The following SHISA9 variants were observed in gnomAD, a reference collection of about 807,000 sequenced individuals.
SHISA9 encodes the protein shisa family member 9, also known as protein shisa-9.
In SHISA9, 13 loss-of-function variants were observed where a neutral mutation model predicts 38.0. The observed-to-expected ratio is 0.34, with a 90% confidence interval of 0.22 to 0.54. SHISA9 has a LOEUF of 0.54. SHISA9 is among the 20% of genes least tolerant of loss of function. The pLI is 0.91. For missense variants in SHISA9, 538 were observed against 575.8 expected (o/e 0.93, Z 0.67); for synonymous variants, 275 against 242.0 (o/e 1.14, Z -1.27).
At chr16:13,291,642 G>A in the SHISA9 span, among the ~76,000 whole-genome samples, 17 of 152,270 alleles carry the variant, frequency 1.1e-4, 1 homozygote, top group East Asian at 3.3e-3. Flanking sequence ...TCTAGTTCAT[G>A]TTTTAAGTTG....
intron 2 of SHISA9, among the ~76,000 whole-genome samples, chr16:13,162,577 C>G (rs2050604504): frequency 6.6e-6 from 1 of 152,174 alleles, no homozygotes; most frequent in Non-Finnish European, 1.5e-5. Context: ...ACTCTCCTCT[C>G]TGGTAGAACT....
intron 2 of SHISA9, among the ~76,000 whole-genome samples, chr16:13,099,599 A>G (rs2073859354): frequency 6.6e-6 from 1 of 152,110 alleles, no homozygotes; most frequent in Non-Finnish European, 1.5e-5. Flanking sequence ...AGCAACTGCA[A>G]AGGCCCTGAG....
chr16:13,139,493 T>C (rs768125301), intron 2 of SHISA9, among the ~76,000 whole-genome samples: 3 of 150,702 alleles, frequency 2.0e-5, no homozygotes, highest in Admixed American at 6.6e-5. Flanking sequence ...TGTCTTTCTT[T>C]TCTCCCTTCA....
intron 2 of SHISA9, among the ~76,000 whole-genome samples, chr16:12,959,565 G>A (rs375469535): frequency 7.2e-5 from 11 of 152,108 alleles, no homozygotes; most frequent in African/African-American, 2.6e-4. Flanking sequence ...ACAGAGCTCA[G>A]ACTTGAGACA....
rs377552835 is a variant in SHISA9, at chr16:13,164,076, C to A, written c.692-39318C>A. ...GCTTTTTTCTTGACTTTGGGGGATACGTGTTGGATCTCCCACTATTAAGTA... is the reference window on the plus strand; with the variant it reads ...GCTTTTTTCTTGACTTTGGGGGATAAGTGTTGGATCTCCCACTATTAAGTA... On this transcript the variant is annotated intron_variant, in intron 2 of 4. Transcript: ENST00000558583. Among the ~76,000 whole-genome samples the A allele has an allele frequency of 2.6e-3, 398 of 152,124 alleles. 2 individuals carry two copies. The highest frequency in any genetic ancestry group is 9.1e-3 in the African/African-American group (376 of 41,540).
chr16:13,113,209 CAAAAAAAAAA>C (rs35316820), intron 2 of SHISA9, among the ~76,000 whole-genome samples: 1 of 65,262 alleles, frequency 1.5e-5, no homozygotes, highest in African/African-American at 6.1e-5. Context: ...GACTCCATCT[CAAAAAAAAAA>C]AAAAAAAAAA....
At chr16:13,474,950 C>T in the SHISA9 span, among the ~76,000 whole-genome samples, 17 of 152,278 alleles carry the variant, frequency 1.1e-4, no homozygotes, top group Admixed American at 7.2e-4. Context: ...CAGTCATAAA[C>T]GACTGGGTAA....
At chr16:13,358,999 T>C in the SHISA9 span, among the ~76,000 whole-genome samples, 1 of 152,324 alleles carries the variant, frequency 6.6e-6, no homozygotes, top group Non-Finnish European at 1.5e-5. Context: ...GCATGAAGCC[T>C]AGAACTTTAA....
chr16:12,969,861 A>T (rs1261361618), intron 2 of SHISA9, among the ~76,000 whole-genome samples: 2 of 152,182 alleles, frequency 1.3e-5, no homozygotes, highest in Admixed American at 6.6e-5. Context: ...CAAAAAAGTA[A>T]GTTTTGGAAG....
chr16:13,542,795 C>T, the SHISA9 span, among the ~76,000 whole-genome samples: 10 of 152,120 alleles, frequency 6.6e-5, no homozygotes, highest in Non-Finnish European at 1.3e-4. Context: ...AATGAAAATT[C>T]AAGAGGTATT....
At chr16:13,291,084 G>A in the SHISA9 span, among the ~76,000 whole-genome samples, 1 of 152,122 alleles carries the variant, frequency 6.6e-6, no homozygotes, top group Non-Finnish European at 1.5e-5. Flanking sequence ...AACTGCAGTT[G>A]ACTGGCTGCT....
At chr16:13,332,716 A>T in the SHISA9 span, 1 of 152,216 alleles carries the variant, frequency 6.6e-6, no homozygotes, top group African/African-American at 2.4e-5. Context: ...AATAAAAAAA[A>T]ATTCAACAGG....
At chr16:13,477,078 A>C in the SHISA9 span, among the ~76,000 whole-genome samples, 2 of 152,144 alleles carry the variant, frequency 1.3e-5, no homozygotes, top group Non-Finnish European at 2.9e-5. Context: ...TACGTGGTCC[A>C]CCAGTGATTA....
At chr16:13,058,452 C>T (rs778743064) in intron 2 of SHISA9, among the ~76,000 whole-genome samples, 3 of 152,168 alleles carry the variant, frequency 2.0e-5, no homozygotes, top group Non-Finnish European at 4.4e-5. Flanking sequence ...AGCCATGAGG[C>T]TCTTTACACT....
At chr16:13,349,397 C>G in the SHISA9 span, among the ~76,000 whole-genome samples, 18 of 152,356 alleles carry the variant, frequency 1.2e-4, no homozygotes, top group East Asian at 3.5e-3. Context: ...GGGACAGACT[C>G]TAGAGATGCG....
intron 4 of SHISA9, among the ~76,000 whole-genome samples, chr16:13,215,670 C>T (rs145486327): frequency 9.5e-4 from 144 of 152,240 alleles, no homozygotes; most frequent in African/African-American, 3.4e-3. Context: ...CTGTTTTCTA[C>T]CCAAACCAAG....
the SHISA9 span, among the ~76,000 whole-genome samples, chr16:13,382,638 C>G: frequency 6.6e-6 from 1 of 151,708 alleles, no homozygotes; most frequent in South Asian, 2.1e-4. Flanking sequence ...GCAAGTGGAT[C>G]ACTTGAGGTC....
the SHISA9 span, among the ~76,000 whole-genome samples, chr16:13,319,243 A>C: frequency 6.6e-6 from 1 of 152,234 alleles, no homozygotes; most frequent in East Asian, 1.9e-4. Context: ...TCCTGACCTC[A>C]AGTGATCCAC....
chr16:12,906,495 G>A (rs918090854), intron 1 of SHISA9, among the ~76,000 whole-genome samples: 2 of 152,082 alleles, frequency 1.3e-5, no homozygotes, highest in East Asian at 1.9e-4. Context: ...CGTAAGAACC[G>A]AACAAATGCC....
Sources: gnomAD v4.1 joint callset for allele counts (sites outside exome capture counted in the v4.1 genomes callset) on GRCh38, gnomAD v4.1.1 for gene constraint, MANE v1.5 for transcripts, NCBI Gene and HGNC (gene_info 2026-07-23, HGNC 2026-07-21) for gene names.